AGFG1: variants seen among roughly 807,000 people sequenced by gnomAD.
AGFG1 encodes the protein ArfGAP with FG repeats 1.
Under a neutral mutation model 60.6 loss-of-function variants are expected in AGFG1, and 10 were observed. That is an observed-to-expected ratio of 0.16 (90% CI 0.10 to 0.28). AGFG1 has a LOEUF of 0.28. Ranked by LOEUF, AGFG1 falls within the 10% of genes least tolerant of loss-of-function variation. The pLI, the probability that AGFG1 is intolerant of heterozygous loss-of-function variation, is 1.00. For synonymous variants in AGFG1, 247 were observed against 242.9 expected, an observed-to-expected ratio of 1.02 and a Z score of -0.16; for missense variants, 537 against 676.5, an observed-to-expected ratio of 0.79 and a Z score of 2.29.
intron 1 of AGFG1, among the ~76,000 whole-genome samples, chr2:227,479,254 C>T (rs1338618731): frequency 6.6e-6 from 1 of 152,192 alleles, no homozygotes; most frequent in Non-Finnish European, 1.5e-5. Flanking sequence ...CATCATTTGA[C>T]CATAACTGAG....
intron 10 of AGFG1, among the ~76,000 whole-genome samples, chr2:227,547,342 T>C (rs1029953337): frequency 5.3e-5 from 8 of 151,898 alleles, no homozygotes; most frequent in African/African-American, 1.7e-4. Context: ...CTCCTTGTGC[T>C]CTTTCCCTCT....
chr2:227,534,510 A>G (rs1264957983), intron 7 of AGFG1, among the ~76,000 whole-genome samples: 2 of 152,232 alleles, frequency 1.3e-5, no homozygotes, highest in African/African-American at 4.8e-5. Flanking sequence ...CTAGCATTAT[A>G]TGAATTTATA....
At chr2:227,521,587 C>G (rs73994651) in intron 3 of AGFG1, among the ~76,000 whole-genome samples, 278 of 152,248 alleles carry the variant, frequency 1.8e-3, no homozygotes, top group African/African-American at 6.3e-3. Flanking sequence ...TTCTGAATTT[C>G]CTAGACATTC....
At chr2:227,518,681 G>A (rs138209655) in intron 2 of AGFG1, among the ~76,000 whole-genome samples, 9,840 of 151,738 alleles carry the variant, frequency 0.065, 397 homozygotes, top group South Asian at 0.19. Context: ...GCACCACTAC[G>A]CCTGGCTAAT....
At chr2:227,525,004 A>G in intron 5 of AGFG1, 89 bp downstream of exon 5, 1 of 1,479,662 alleles carries the variant, frequency 6.8e-7, no homozygotes, top group East Asian at 2.3e-5. Context: ...AGGATCAGTA[A>G]ACATTTTTTG....
At chr2:227,501,673 TC>T (rs1691160973) in intron 2 of AGFG1, among the ~76,000 whole-genome samples, 3 of 150,584 alleles carry the variant, frequency 2.0e-5, no homozygotes, top group Admixed American at 1.3e-4. Flanking sequence ...AGCCTTGACT[TC>T]CTGGGCTCAG....
At chr2:227,479,827 C>T (rs572246138) in intron 1 of AGFG1, among the ~76,000 whole-genome samples, 6 of 152,276 alleles carry the variant, frequency 3.9e-5, no homozygotes, top group South Asian at 4.1e-4. Flanking sequence ...ACCTTACACA[C>T]GAGAACTATT....
chr2:227,490,702 C>T (rs10933188), intron 1 of AGFG1, among the ~76,000 whole-genome samples: 8,703 of 152,158 alleles, frequency 0.057, 338 homozygotes, highest in Non-Finnish European at 0.086. Context: ...TGGTATTTTG[C>T]ATAGATTATT....
At chr2:227,524,276 A>G (rs1359669564) in intron 4 of AGFG1, among the ~76,000 whole-genome samples, 57 of 151,826 alleles carry the variant, frequency 3.8e-4, no homozygotes, top group Non-Finnish European at 5.9e-5. Context: ...GTTAGAATGT[A>G]TAGTCTCTTT....
intron 10 of AGFG1, among the ~76,000 whole-genome samples, chr2:227,551,445 G>C (rs983563807): frequency 6.6e-4 from 100 of 152,198 alleles, no homozygotes; most frequent in African/African-American, 2.0e-3. Context: ...TGAGTGGTCT[G>C]CCTGTAACTA....
rs936789037 is a variant in AGFG1 at position 227,561,092 on chromosome 2, G to A, written c.*6597G>A. 1 of 152,058 alleles carries A rather than the reference G, an allele frequency of 6.6e-6. No individual in the cohort carries two copies. Among genetic ancestry groups the A allele is most frequent in the Non-Finnish European group, 1.5e-5 (1 of 67,978 alleles). The allele number at this position is 152,058 out of a possible 1,614,324, so 9.4% of individuals were successfully genotyped here. A position where few individuals can be genotyped will look rare whatever the true frequency, so the allele number is the denominator to read the frequency against. On this transcript the variant is annotated 3_prime_UTR_variant, in exon 13 of 13. Coordinates refer to ENST00000310078, the MANE Select transcript of AGFG1 (RefSeq NM_004504.5). Reference sequence around the variant, plus strand: ...TTAAATATTGGATGAAAACTTACAGGCTGTTTTCAATATTCATTTCTGAAA... The same window carrying A: ...TTAAATATTGGATGAAAACTTACAGACTGTTTTCAATATTCATTTCTGAAA...
intron 5 of AGFG1, 152 bp from the exon 6 acceptor site, chr2:227,530,939 G>A (rs939182634): frequency 1.4e-6 from 1 of 725,902 alleles, no homozygotes; most frequent in Non-Finnish European, 2.1e-6. Flanking sequence ...TTACATGCTG[G>A]TAGGGTTTAA....
chr2:227,479,662 T>C (rs1690397438), intron 1 of AGFG1, among the ~76,000 whole-genome samples: 1 of 152,162 alleles, frequency 6.6e-6, no homozygotes, highest in Non-Finnish European at 1.5e-5. Flanking sequence ...CCTCATTTTT[T>C]CCCCCACTTG....
At chr2:227,479,633 A>G (rs1690396390) in intron 1 of AGFG1, among the ~76,000 whole-genome samples, 1 of 152,126 alleles carries the variant, frequency 6.6e-6, no homozygotes, top group Admixed American at 6.6e-5. Flanking sequence ...AATATTCGGG[A>G]CTAGGTTTTA....
intron 2 of AGFG1, among the ~76,000 whole-genome samples, chr2:227,516,980 T>G (rs1429580435): frequency 6.6e-6 from 1 of 152,160 alleles, no homozygotes; most frequent in Non-Finnish European, 1.5e-5. Flanking sequence ...TCTTAAAGAA[T>G]TACATTTTGG....
At chr2:227,527,008 G>A (rs1692013888) in intron 5 of AGFG1, among the ~76,000 whole-genome samples, 1 of 152,170 alleles carries the variant, frequency 6.6e-6, no homozygotes, top group Admixed American at 6.5e-5. Context: ...ACCTTGCAGA[G>A]GTACTTAGGT....
At chr2:227,488,204 A>G (rs1222100767) in intron 1 of AGFG1, among the ~76,000 whole-genome samples, 1 of 152,210 alleles carries the variant, frequency 6.6e-6, no homozygotes, top group Non-Finnish European at 1.5e-5. Flanking sequence ...TACTTGTTTC[A>G]TAAGTTCAAA....
chr2:227,505,730 G>A (rs1253653352), intron 2 of AGFG1, among the ~76,000 whole-genome samples: 1 of 151,168 alleles, frequency 6.6e-6, no homozygotes, highest in East Asian at 1.9e-4. Context: ...TTTTTATTTT[G>A]TTTTTTTTGT....
intron 6 of AGFG1, among the ~76,000 whole-genome samples, chr2:227,532,796 C>G (rs1692201005): frequency 6.6e-6 from 1 of 151,914 alleles, no homozygotes; most frequent in Admixed American, 6.6e-5. Flanking sequence ...TGGTTTTAGT[C>G]TTTTGATAGT....
Sources: gnomAD v4.1 joint callset for allele counts (sites outside exome capture counted in the v4.1 genomes callset) on GRCh38, gnomAD v4.1.1 for gene constraint, MANE v1.5 for transcripts, NCBI Gene and HGNC (gene_info 2026-07-23, HGNC 2026-07-21) for gene names.